NRG1: variants seen among roughly 807,000 people sequenced by gnomAD.
NRG1 encodes the protein pro-neuregulin-1, membrane-bound isoform.
NRG1 carries 18 observed loss-of-function variants against 63.8 expected under a neutral mutation model. The ratio of observed to expected loss-of-function variants is 0.28; its 90% CI spans 0.19 to 0.42. NRG1 has a LOEUF of 0.42. NRG1 is among the 10% of genes least tolerant of loss of function. The pLI is 1.00. For missense variants in NRG1, 762 were observed against 814.7 expected, an observed-to-expected ratio of 0.94 and a Z score of 0.79; for synonymous variants, 302 against 301.3, an observed-to-expected ratio of 1.00 and a Z score of -0.02.
chr8:31,972,294 C>T (rs1215718777), intron 1 of NRG1, among the ~76,000 whole-genome samples: 2 of 152,088 alleles, frequency 1.3e-5, no homozygotes, highest in African/African-American at 4.8e-5. Context: ...TACTCGAATC[C>T]CTGTCATGCA....
At chr8:32,106,360 A>G (rs955441619) in intron 1 of NRG1, among the ~76,000 whole-genome samples, 7 of 152,240 alleles carry the variant, frequency 4.6e-5, no homozygotes, top group Non-Finnish European at 8.8e-5. Flanking sequence ...GAAGTCAGTT[A>G]AAATGTATTT....
Position 32,198,907 on chromosome 8 carries a change from ATG to A in NRG1, c.38-396919_38-396918del, listed in dbSNP as rs1843225372. Among the ~76,000 whole-genome samples the A allele has an allele frequency of 4.6e-5, 7 of 151,730 alleles. 1 individual carries two copies. The South Asian group carries it at 1.5e-3, about 31-fold the overall frequency. On this transcript the variant is annotated intron_variant, in intron 1 of 10. Coordinates refer to the NRG1 transcript ENST00000519301. ...TAATATATATATATATCTTATTTAT[ATG>A]TCTTATTTCATTGTTATGAAAACCT... is the stretch of plus-strand genomic sequence containing the variant.
intron 5 of NRG1, among the ~76,000 whole-genome samples, chr8:32,682,598 A>C (rs1271123901): frequency 6.6e-6 from 1 of 152,196 alleles, no homozygotes; most frequent in Non-Finnish European, 1.5e-5. Flanking sequence ...CTGTTTTGCC[A>C]CTTGGAATAT....
At chr8:32,431,363 C>T (rs1444129914) in intron 1 of NRG1, among the ~76,000 whole-genome samples, 1 of 152,100 alleles carries the variant, frequency 6.6e-6, no homozygotes, top group African/African-American at 2.4e-5. Context: ...GGATTCTGTC[C>T]TACTCCACCC....
chr8:31,850,705 C>G (rs1827127401), intron 1 of NRG1, among the ~76,000 whole-genome samples: 1 of 152,166 alleles, frequency 6.6e-6, no homozygotes, highest in Non-Finnish European at 1.5e-5. Flanking sequence ...ATTCACTCAT[C>G]AGCTCCAGGT....
chr8:32,130,460 T>A (rs1834661265), intron 1 of NRG1, among the ~76,000 whole-genome samples: 1 of 151,918 alleles, frequency 6.6e-6, no homozygotes, highest in African/African-American at 2.4e-5. Context: ...AACTACTTAC[T>A]AATGTTCATT....
At chr8:32,771,715 A>AAAAAAAAATATAT (rs1343943621), downstream of NRG1, among the ~76,000 whole-genome samples, 15 of 111,844 alleles carry the variant, frequency 1.3e-4, no homozygotes, top group Admixed American at 3.7e-4. Context: ...TTAAAAAAAA[A>AAAAAAAAATATAT]ATATATATAT....
At chr8:31,712,907 C>T (rs1344852797) in intron 1 of NRG1, among the ~76,000 whole-genome samples, 1 of 151,626 alleles carries the variant, frequency 6.6e-6, no homozygotes, top group Non-Finnish European at 1.5e-5. Flanking sequence ...CTAATATGGC[C>T]CCTTCTTCAA....
intron 1 of NRG1, among the ~76,000 whole-genome samples, chr8:32,238,778 A>G (rs1431233702): frequency 6.6e-6 from 1 of 152,192 alleles, no homozygotes; most frequent in African/African-American, 2.4e-5. Context: ...ATTTTAAATC[A>G]TTACATTAAG....
intron 1 of NRG1, among the ~76,000 whole-genome samples, chr8:32,558,445 T>C (rs1004512087): frequency 1.3e-5 from 2 of 152,044 alleles, no homozygotes; most frequent in African/African-American, 4.8e-5. Flanking sequence ...CCTTATGAAA[T>C]AGAAAAGGAA....
chr8:32,443,279 C>T (rs1244756834), intron 1 of NRG1, among the ~76,000 whole-genome samples: 1 of 152,118 alleles, frequency 6.6e-6, no homozygotes, highest in Non-Finnish European at 1.5e-5. Flanking sequence ...CGAGCCTTTC[C>T]ATTTGTCTTT....
chr8:31,830,786 A>T (rs1388327203), intron 1 of NRG1, among the ~76,000 whole-genome samples: 3 of 152,104 alleles, frequency 2.0e-5, no homozygotes, highest in African/African-American at 7.2e-5. Flanking sequence ...AAAGAAAGAA[A>T]AGAAAAGAAC....
chr8:32,548,686 C>G, exon 1 of NRG1: 1 of 1,550,398 alleles, frequency 6.4e-7, no homozygotes, highest in African/African-American at 1.4e-5. Flanking sequence ...AACTCGCCTG[C>G]GCCGAGAGCC....
At chr8:32,146,990 T>C (rs12679636) in intron 1 of NRG1, among the ~76,000 whole-genome samples, 8,928 of 152,260 alleles carry the variant, frequency 0.059, 527 homozygotes, top group East Asian at 0.34. Context: ...GAGAATTAAA[T>C]ATCTAGAAAA....
intron 1 of NRG1, among the ~76,000 whole-genome samples, chr8:31,989,170 C>G (rs185721987): frequency 1.9e-3 from 259 of 135,430 alleles, no homozygotes; most frequent in Middle Eastern, 4.2e-3. Flanking sequence ...TCAGTTGAAC[C>G]CAGGAGGCAG....
chr8:32,412,798 T>C (rs1451946176), intron 1 of NRG1, among the ~76,000 whole-genome samples: 1 of 152,078 alleles, frequency 6.6e-6, no homozygotes, highest in East Asian at 1.9e-4. Flanking sequence ...AAAAATATGG[T>C]ATTATAATCT....
At chr8:32,277,228 A>G (rs1010923380) in intron 1 of NRG1, among the ~76,000 whole-genome samples, 4 of 152,232 alleles carry the variant, frequency 2.6e-5, no homozygotes, top group African/African-American at 9.6e-5. Context: ...ACAAAATGAC[A>G]CAATAAACTA....
At chr8:32,550,551 GTAGCA>G (rs1446694436) in intron 1 of NRG1, among the ~76,000 whole-genome samples, 1 of 152,176 alleles carries the variant, frequency 6.6e-6, no homozygotes, top group Non-Finnish European at 1.5e-5. Context: ...GCGGTCTGAA[GTAGCA>G]TCCTGTTCAG....
chr8:32,076,186 T>C (rs567531864), intron 1 of NRG1, among the ~76,000 whole-genome samples: 2 of 152,268 alleles, frequency 1.3e-5, no homozygotes, highest in African/African-American at 4.8e-5. Flanking sequence ...GTGGTTTGCT[T>C]CTCCTGACCC....
Sources: gnomAD v4.1 joint callset for allele counts (sites outside exome capture counted in the v4.1 genomes callset) on GRCh38, gnomAD v4.1.1 for gene constraint, MANE v1.5 for transcripts, NCBI Gene and HGNC (gene_info 2026-07-23, HGNC 2026-07-21) for gene names.